GRIK2: variants seen among roughly 807,000 people sequenced by gnomAD.
GRIK2 encodes the protein glutamate receptor ionotropic, kainate 2.
Under a neutral mutation model 100.3 loss-of-function variants are expected in GRIK2, and 32 were observed. The observed-to-expected ratio is 0.32, with a 90% CI of 0.24 to 0.43. The LOEUF (loss-of-function observed/expected upper bound fraction) is 0.43. GRIK2 is among the 20% of genes least tolerant of loss of function. The probability of loss-of-function intolerance (pLI) is 1.00; values close to 1 mark genes in which losing one functional copy is unlikely to be tolerated. For missense variants in GRIK2, 843 were observed against 1,114.9 expected (o/e 0.76, Z 3.47); for synonymous variants, 417 against 389.4 (o/e 1.07, Z -0.83).
intron 5 of GRIK2, among the ~76,000 whole-genome samples, chr6:101,679,740 TTTTG>T (rs374242493): frequency 7.9e-5 from 12 of 152,202 alleles, no homozygotes; most frequent in African/African-American, 2.2e-4. Context: ...CTACCTCCAA[TTTTG>T]TTTGTTTGTT....
At chr6:101,468,267 C>G (rs976344139) in intron 2 of GRIK2, among the ~76,000 whole-genome samples, 4 of 152,116 alleles carry the variant, frequency 2.6e-5, no homozygotes, top group Admixed American at 2.0e-4. Context: ...AGAACTATAA[C>G]AGCAATGAGG....
At chr6:102,031,454 TTTTAAA>T (rs1462545432) in intron 14 of GRIK2, among the ~76,000 whole-genome samples, 1 of 94,532 alleles carries the variant, frequency 1.1e-5, no homozygotes, top group Non-Finnish European at 2.0e-5. Context: ...TTTATTTTTA[TTTTAAA>T]AATTTTTAAT....
At chr6:101,538,867 A>T (rs1207602873) in intron 2 of GRIK2, among the ~76,000 whole-genome samples, 6 of 151,796 alleles carry the variant, frequency 4.0e-5, no homozygotes, top group African/African-American at 1.4e-4. Flanking sequence ...TGTGAAATTT[A>T]TCCAGAGACC....
At chr6:101,674,406 G>T (rs935930148) in intron 4 of GRIK2, among the ~76,000 whole-genome samples, 2 of 152,186 alleles carry the variant, frequency 1.3e-5, no homozygotes, top group Admixed American at 6.5e-5. Context: ...TTTATAAAAA[G>T]TAGTTAAAGA....
intron 14 of GRIK2, among the ~76,000 whole-genome samples, chr6:101,963,141 A>ATTAAG (rs1444847618): frequency 6.6e-6 from 1 of 151,374 alleles, no homozygotes; most frequent in Non-Finnish European, 1.5e-5. Context: ...CCAGTTTTGC[A>ATTAAG]TTAAGATAAT....
chr6:101,908,648 TAGG>T (rs1177561362), intron 12 of GRIK2, among the ~76,000 whole-genome samples: 1 of 151,354 alleles, frequency 6.6e-6, no homozygotes, highest in Non-Finnish European at 1.5e-5. Context: ...TAAAATAATG[TAGG>T]CTAATTTATT....
At chr6:101,739,552 C>G (rs1247412146) in intron 7 of GRIK2, among the ~76,000 whole-genome samples, 1 of 152,068 alleles carries the variant, frequency 6.6e-6, no homozygotes, top group African/African-American at 2.4e-5. Context: ...TAAATAAGGA[C>G]TAGTCTACCT....
intron 2 of GRIK2, among the ~76,000 whole-genome samples, chr6:101,580,930 T>A (rs1300788109): frequency 6.6e-6 from 1 of 152,010 alleles, no homozygotes; most frequent in Non-Finnish European, 1.5e-5. Flanking sequence ...ACTGCCCAAC[T>A]CCTAGCACTC....
intron 16 of GRIK2, among the ~76,000 whole-genome samples, chr6:102,058,194 G>GTA (rs1316993504): frequency 2.6e-5 from 4 of 151,724 alleles, no homozygotes; most frequent in African/African-American, 9.7e-5. Flanking sequence ...CCCATTAACA[G>GTA]TATTGTATTC....
intron 7 of GRIK2, among the ~76,000 whole-genome samples, chr6:101,786,772 A>G (rs972715546): frequency 1.4e-4 from 22 of 152,002 alleles, no homozygotes; most frequent in Non-Finnish European, 2.9e-4. Flanking sequence ...ATAGATGTTC[A>G]CCAGTTGTTG....
chr6:101,864,609 G>T (rs1784936513), intron 11 of GRIK2, among the ~76,000 whole-genome samples: 1 of 152,020 alleles, frequency 6.6e-6, no homozygotes, highest in East Asian at 1.9e-4. Flanking sequence ...GTGCTGAGTG[G>T]CAAATAGGAA....
intron 2 of GRIK2, among the ~76,000 whole-genome samples, chr6:101,409,316 T>C (rs1326218514): frequency 3.3e-5 from 5 of 152,094 alleles, no homozygotes; most frequent in Non-Finnish European, 7.4e-5. Context: ...ACATATAGCC[T>C]AGGTATATAG....
intron 14 of GRIK2, among the ~76,000 whole-genome samples, chr6:102,016,116 C>A (rs1215546525): frequency 6.6e-6 from 1 of 152,130 alleles, no homozygotes; most frequent in Non-Finnish European, 1.5e-5. Flanking sequence ...CAAATGACTG[C>A]ACTAGTTGTC....
chr6:101,759,228 G>C (rs919166778), intron 7 of GRIK2, among the ~76,000 whole-genome samples: 6 of 152,212 alleles, frequency 3.9e-5, no homozygotes, highest in South Asian at 4.1e-4. Flanking sequence ...TTTAAATTAT[G>C]TAAAGAAGTA....
chr6:101,461,907 T>C (rs1339471892), intron 2 of GRIK2, among the ~76,000 whole-genome samples: 2 of 152,174 alleles, frequency 1.3e-5, no homozygotes, highest in Non-Finnish European at 2.9e-5. Flanking sequence ...AAAACCAGCA[T>C]GTTGGAGTGT....
intron 4 of GRIK2, among the ~76,000 whole-genome samples, chr6:101,674,688 GTATT>G (rs1174477012): frequency 1.3e-5 from 2 of 152,056 alleles, no homozygotes; most frequent in African/African-American, 4.8e-5. Context: ...TTTTTATGTA[GTATT>G]TATTTAAATA....
At chr6:101,470,183 T>G (rs1771871193) in intron 2 of GRIK2, among the ~76,000 whole-genome samples, 1 of 152,160 alleles carries the variant, frequency 6.6e-6, no homozygotes, top group Admixed American at 6.6e-5. Context: ...TTTGTCCCAG[T>G]GGCTTCACCG....
At chr6:101,916,083 GTACAAACATAA>G (rs1789086118) in intron 12 of GRIK2, among the ~76,000 whole-genome samples, 1 of 151,378 alleles carries the variant, frequency 6.6e-6, no homozygotes, top group South Asian at 2.1e-4. Context: ...TTAAAATATA[GTACAAACATAA>G]TACTGTAAAG....
chr6:101,929,565 G>A (rs1350626048), intron 14 of GRIK2, among the ~76,000 whole-genome samples: 1 of 152,040 alleles, frequency 6.6e-6, no homozygotes, highest in Non-Finnish European at 1.5e-5. Context: ...GAAGTTACAC[G>A]ACACATTGAG....
Sources: allele counts gnomAD v4.1 joint callset (sites outside exome capture counted in the v4.1 genomes callset), GRCh38; gene constraint gnomAD v4.1.1; transcripts MANE v1.5; gene names NCBI Gene and HGNC (gene_info 2026-07-23, HGNC 2026-07-21).